The following DYSF variants were observed in gnomAD, a reference collection of about 807,000 sequenced individuals.
DYSF encodes dysferlin, also known as dystrophy-associated fer-1-like 1.
Under a neutral mutation model 274.9 loss-of-function variants are expected in DYSF, and 212 were observed. The observed-to-expected ratio is 0.77, with a 90% CI of 0.69 to 0.86. DYSF has a LOEUF of 0.86. DYSF is among the 40% of genes least tolerant of loss of function. The pLI is 0.00. For synonymous variants in DYSF, 1,091 were observed against 1,078.7 expected (o/e 1.01, Z -0.22); for missense variants, 2,666 against 2,783.2 (o/e 0.96, Z 0.95).
At chr2:71,499,346 T>A (rs1341730501) in intron 3 of DYSF, among the ~76,000 whole-genome samples, 1 of 152,266 alleles carries the variant, frequency 6.6e-6, no homozygotes, top group Non-Finnish European at 1.5e-5. Context: ...TGTTCCATTG[T>A]ATGAATGTAC....
chr2:71,473,918 ATTTTTT>A (rs10659171), intron 1 of DYSF, among the ~76,000 whole-genome samples: 12,729 of 84,110 alleles, frequency 0.15, 839 homozygotes, highest in East Asian at 0.44. Flanking sequence ...TTTCTGTATG[ATTTTTT>A]TTTTTTTTTT....
chr2:71,553,978 G>A (rs2091153508), intron 21 of DYSF, 47 bp downstream of exon 21: 1 of 1,613,530 alleles, frequency 6.2e-7, no homozygotes, highest in South Asian at 1.1e-5. Flanking sequence ...GCATGCACCT[G>A]CTACCCCCGC....
chr2:71,502,555 A>G (rs2085085507), intron 3 of DYSF, among the ~76,000 whole-genome samples: 1 of 152,118 alleles, frequency 6.6e-6, no homozygotes, highest in Non-Finnish European at 1.5e-5. Context: ...TGAAGGGAGC[A>G]TGTGCCAACC....
At chr2:71,460,518 T>C (rs891323145) in intron 1 of DYSF, among the ~76,000 whole-genome samples, 12 of 152,134 alleles carry the variant, frequency 7.9e-5, no homozygotes, top group Non-Finnish European at 1.8e-4. Context: ...TCAGCCACAC[T>C]CTCCATTAGA....
At chr2:71,478,369 G>A (rs2082577643) in intron 1 of DYSF, among the ~76,000 whole-genome samples, 1 of 151,860 alleles carries the variant, frequency 6.6e-6, no homozygotes, top group African/African-American at 2.4e-5. Context: ...CAGCCACCAT[G>A]CCCGGCTAAT....
intron 21 of DYSF, among the ~76,000 whole-genome samples, chr2:71,555,630 C>T (rs2152795458): frequency 6.6e-6 from 1 of 152,246 alleles, no homozygotes; most frequent in East Asian, 1.9e-4. Flanking sequence ...GAGAGGGCCA[C>T]TTACCTGTGG....
chr2:71,574,461 C>T (rs187103342), intron 30 of DYSF, 90 bp downstream of exon 30: 144 of 1,500,024 alleles, frequency 9.6e-5, no homozygotes, highest in Non-Finnish European at 1.2e-4. Flanking sequence ...GCACAGGGAC[C>T]CCAGGTTAGG....
At chr2:71,618,639 A>G (rs1251267739) in intron 40 of DYSF, among the ~76,000 whole-genome samples, 2 of 27,878 alleles carry the variant, frequency 7.2e-5, no homozygotes, top group Admixed American at 4.1e-4. Flanking sequence ...GTGTTACAGG[A>G]GGTGGTGTGT....
chr2:71,660,512 A>T, intron 44 of DYSF, 48 bp from the exon 45 acceptor site: 1 of 1,526,082 alleles, frequency 6.6e-7, no homozygotes, highest in Non-Finnish European at 9.1e-7. Context: ...AGCCTCAAAG[A>T]CAGGTTTGGA....
chr2:71,614,411 C>A (rs2093838020), intron 40 of DYSF, among the ~76,000 whole-genome samples: 2 of 152,244 alleles, frequency 1.3e-5, no homozygotes, highest in Non-Finnish European at 2.9e-5. Context: ...GCCCTGTGTT[C>A]CATCTCTCCA....
chr2:71,673,563 G>A (rs1157569635), intron 51 of DYSF, among the ~76,000 whole-genome samples: 1 of 152,114 alleles, frequency 6.6e-6, no homozygotes, highest in African/African-American at 2.4e-5. Flanking sequence ...CAGCGTGCTG[G>A]GAGATCCTTC....
rs1368029693 is a variant in DYSF at position 71,474,172 on chromosome 2, C to T, written c.92-6711C>T. On this transcript the variant is annotated intron_variant, in intron 1 of 55. Coordinates refer to ENST00000410020, the MANE Select transcript of DYSF (RefSeq NM_001130987.2). Reference sequence around the variant, plus strand: ...AACTCCTGACCTCAGGTGATCCACCCGCATCCACCTCCCAAAGTGCTGGGA... The same window carrying T: ...AACTCCTGACCTCAGGTGATCCACCTGCATCCACCTCCCAAAGTGCTGGGA... Among the ~76,000 whole-genome samples, 6 of 152,138 alleles carry T rather than the reference C, an allele frequency of 3.9e-5. No homozygotes were observed. In the East Asian group the frequency reaches 5.8e-4, roughly 15 times the overall value.
chr2:71,597,085 G>A (rs1188906026), intron 32 of DYSF, among the ~76,000 whole-genome samples: 3 of 152,194 alleles, frequency 2.0e-5, no homozygotes, highest in East Asian at 1.9e-4. Flanking sequence ...TGGCCAGGGA[G>A]CCTGTCTTGC....
chr2:71,532,868 C>T (rs2088905029), intron 14 of DYSF, among the ~76,000 whole-genome samples: 1 of 151,950 alleles, frequency 6.6e-6, no homozygotes, highest in Non-Finnish European at 1.5e-5. Flanking sequence ...ATCTATCTAT[C>T]TATCTATCTA....
At chr2:71,482,038 G>A in intron 3 of DYSF, 68 bp downstream of exon 3, 2 of 1,331,008 alleles carry the variant, frequency 1.5e-6, no homozygotes, top group East Asian at 2.3e-5. Context: ...TATACAGACT[G>A]CAGAATCCCA....
Position 71,453,672 on chromosome 2 carries a change from G to T in DYSF, c.-327G>T, listed in dbSNP as rs535087290. 1.6e-3 allele frequency: 650 copies of T among 401,824 alleles called. 11 individuals carry two copies. The highest frequency in any genetic ancestry group is 0.014 in the South Asian group (633 of 45,766). The allele number at this position is 401,824 out of a possible 1,614,324, so 24.9% of individuals were successfully genotyped here. ...AAATGCCGTGTCATTGGGAGACTCC[G>T]CAGCCGGAGCATTAGATTACAGCTC... On this transcript the variant is annotated 5_prime_UTR_variant, in exon 1 of 55. Coordinates refer to the DYSF transcript ENST00000258104.
chr2:71,602,949 C>T, intron 36 of DYSF, 144 bp downstream of exon 36: 1 of 1,015,568 alleles, frequency 9.8e-7, no homozygotes, highest in Non-Finnish European at 1.5e-6. Context: ...TTTTATTCCC[C>T]ATGCTGTGTG....
chr2:71,605,502 C>T (rs182602639), intron 36 of DYSF, among the ~76,000 whole-genome samples: 1 of 152,046 alleles, frequency 6.6e-6, no homozygotes, highest in Non-Finnish European at 1.5e-5. Context: ...ACCCATGGGG[C>T]TTGTGATCCT....
chr2:71,539,037 G>A, intron 16 of DYSF, 120 bp from the exon 17 acceptor site: 1 of 822,736 alleles, frequency 1.2e-6, no homozygotes, highest in Non-Finnish European at 2.1e-6. Flanking sequence ...AAGACCAGAA[G>A]CGCTCTCTGC....
Sources: allele counts gnomAD v4.1 joint callset (sites outside exome capture counted in the v4.1 genomes callset), GRCh38; gene constraint gnomAD v4.1.1; transcripts MANE v1.5; gene names NCBI Gene and HGNC (gene_info 2026-07-23, HGNC 2026-07-21).